NR3C1: variants seen among roughly 807,000 people sequenced by gnomAD.
NR3C1 encodes glucocorticoid receptor.
In NR3C1, 14 loss-of-function variants were observed where a neutral mutation model predicts 74.0. The observed-to-expected ratio is 0.19, with a 90% CI of 0.12 to 0.30. The LOEUF (loss-of-function observed/expected upper bound fraction) is 0.30, where lower values mean the gene tolerates loss of function less well. Ranked by LOEUF, NR3C1 falls within the 10% of genes least tolerant of loss-of-function variation. The probability of loss-of-function intolerance (pLI) is 1.00; values close to 1 mark genes in which losing one functional copy is unlikely to be tolerated. For missense variants in NR3C1, 695 were observed against 909.8 expected (o/e 0.76, Z 3.04); for synonymous variants, 308 against 332.5 (o/e 0.93, Z 0.80).
rs61751251 is a variant in NR3C1, at chr5:143,390,504, C to G, written c.1184+9152G>C. On this transcript the variant is annotated intron_variant, in intron 2 of 8. Transcript: ENST00000394464. ...AAGTCCAAGCCAAAAGCAGACCTAC[C>G]TTACTTAAACATAAAATAAACACTT... 5.3e-3 allele frequency among the ~76,000 whole-genome samples: 809 copies of G among 152,214 alleles called. 7 individuals are homozygous for G. The highest frequency in any genetic ancestry group is 0.018 in the African/African-American group (747 of 41,538).
At chr5:143,419,164 A>G (rs1751084105) in intron 1 of NR3C1, among the ~76,000 whole-genome samples, 1 of 152,170 alleles carries the variant, frequency 6.6e-6, no homozygotes, top group African/African-American at 2.4e-5. Flanking sequence ...AAATCTGAAA[A>G]TATCTGAAAT....
In NR3C1 at chr5:143,301,441, A is replaced by G. The variant is rs10482676; in HGVS notation, c.1469-678T>C. Among the ~76,000 whole-genome samples, 1,253 of 152,284 alleles carry G rather than the reference A, an allele frequency of 8.2e-3. 15 individuals carry two copies. Among genetic ancestry groups the G allele is most frequent in the African/African-American group, 0.029 (1,203 of 41,566 alleles). ...TGAAAAACTTTACATTACATAAATT[A>G]TAAGTGGGAAATTTCCCTTTTATAA... On this transcript the variant is annotated intron_variant, in intron 4 of 8. Coordinates refer to ENST00000394464, the MANE Select transcript of NR3C1 (RefSeq NM_000176.3).
chr5:143,353,418 T>C (rs1256657218), intron 2 of NR3C1, among the ~76,000 whole-genome samples: 1 of 152,204 alleles, frequency 6.6e-6, no homozygotes, highest in Non-Finnish European at 1.5e-5. Context: ...TTTGATTTAC[T>C]TTGCCCAGGT....
intron 2 of NR3C1, among the ~76,000 whole-genome samples, chr5:143,341,474 G>A (rs1010019190): frequency 4.6e-5 from 7 of 152,134 alleles, no homozygotes; most frequent in Non-Finnish European, 1.0e-4. Flanking sequence ...AAAAAGAAAA[G>A]ACAAAAATAG....
intron 2 of NR3C1, among the ~76,000 whole-genome samples, chr5:143,331,034 C>T (rs539852006): frequency 1.4e-4 from 21 of 152,038 alleles, no homozygotes; most frequent in East Asian, 3.9e-4. Flanking sequence ...CTGGAGGCAC[C>T]GTATTACCCG....
chr5:143,310,690 G>A (rs1820724382), intron 3 of NR3C1, among the ~76,000 whole-genome samples: 1 of 152,070 alleles, frequency 6.6e-6, no homozygotes, highest in Non-Finnish European at 1.5e-5. Context: ...GTCTCGCTCT[G>A]TCGCCCAGGC....
intron 2 of NR3C1, among the ~76,000 whole-genome samples, chr5:143,351,705 T>C (rs1431066125): frequency 6.6e-6 from 1 of 152,216 alleles, no homozygotes; most frequent in East Asian, 1.9e-4. Flanking sequence ...ATTAGCTAAC[T>C]TATTTTATAT....
In NR3C1 at chr5:143,328,087, T is replaced by A. The variant is rs146556256; in HGVS notation, c.1185-13919A>T. ...CTGGACATCCAGGCGTTTCTATACA[T>A]CCTCTTAAATATAGGCACAGGTTCC... On this transcript the variant is annotated intron_variant, in intron 2 of 8. Coordinates refer to ENST00000394464, the MANE Select transcript of NR3C1 (RefSeq NM_000176.3). 3.4e-3 allele frequency among the ~76,000 whole-genome samples: 512 copies of A among 152,348 alleles called. 1 individual carries two copies. Among genetic ancestry groups the A allele is most frequent in the Non-Finnish European group, 5.5e-3 (375 of 68,038 alleles).
intron 4 of NR3C1, among the ~76,000 whole-genome samples, chr5:143,308,635 T>C (rs1020441623): frequency 6.6e-6 from 1 of 152,196 alleles, no homozygotes; most frequent in African/African-American, 2.4e-5. Context: ...TTATTTTTCA[T>C]CTATCTAATT....
At chr5:143,283,696 G>A (rs1813638926) in intron 7 of NR3C1, among the ~76,000 whole-genome samples, 1 of 152,062 alleles carries the variant, frequency 6.6e-6, no homozygotes, top group Admixed American at 6.6e-5. Context: ...TAAAAGTTTT[G>A]GGGGGATACA....
chr5:143,433,466 A>ATTT (rs1751964241), intron 1 of NR3C1, among the ~76,000 whole-genome samples: 50 of 133,684 alleles, frequency 3.7e-4, no homozygotes, highest in Non-Finnish European at 6.0e-4. Flanking sequence ...ATATATATAT[A>ATTT]TATATTTAAT....
At chr5:143,299,179 A>G (rs1817955660) in intron 5 of NR3C1, among the ~76,000 whole-genome samples, 1 of 151,734 alleles carries the variant, frequency 6.6e-6, no homozygotes, top group Non-Finnish European at 1.5e-5. Context: ...ATGCCCGGCT[A>G]ATTTTTGTAA....
intron 4 of NR3C1, among the ~76,000 whole-genome samples, chr5:143,308,319 T>G (rs886317917): frequency 6.6e-6 from 1 of 150,892 alleles, no homozygotes; most frequent in Non-Finnish European, 1.5e-5. Flanking sequence ...AAACAAAAAT[T>G]AAAAAAAAAT....
chr5:143,352,857 G>A (rs921958741), intron 2 of NR3C1, among the ~76,000 whole-genome samples: 1 of 152,148 alleles, frequency 6.6e-6, no homozygotes. Context: ...GTTGCTGAAG[G>A]TGGGGTGGCT....
At chr5:143,400,893 G>A in intron 1 of NR3C1, 41 bp from the exon 2 acceptor site, 1 of 1,452,742 alleles carries the variant, frequency 6.9e-7, no homozygotes, top group South Asian at 1.2e-5. Flanking sequence ...AACATCATAA[G>A]CTCTAAAGTC....
rs10035222 is a variant in NR3C1 at position 143,358,898 on chromosome 5, T to C, written c.1184+40758A>G. Among the ~76,000 whole-genome samples, 820 of 149,938 alleles carry C rather than the reference T, an allele frequency of 5.5e-3. 5 individuals are homozygous for C. Among genetic ancestry groups the C allele is most frequent in the East Asian group, 0.023 (115 of 5,056 alleles). ...CCCGTGAACAAGAGCAAAACTCCATTTCAAAAAAAAAAAAAATTAAATCTT... is the reference window on the plus strand; with the variant it reads ...CCCGTGAACAAGAGCAAAACTCCATCTCAAAAAAAAAAAAAATTAAATCTT... On this transcript the variant is annotated intron_variant, in intron 2 of 8. Coordinates refer to ENST00000394464, the MANE Select transcript of NR3C1 (RefSeq NM_000176.3).
At position 143,300,399 on chromosome 5, in the gene NR3C1, G is replaced by A; in HGVS notation, c.1747+86C>T. ...CTAAGAGAAACAAGATAAGCCATGG[G>A]CTCACGATGATATAAAAGCCAAAGT... On this transcript the variant is annotated intron_variant, in intron 5 of 8. Coordinates refer to ENST00000394464, the MANE Select transcript of NR3C1 (RefSeq NM_000176.3). The surrounding 1 kb of genome is among the most constrained non-coding windows in gnomAD (Gnocchi z 5.2). 6.6e-7 allele frequency: 1 copy of A among 1,522,268 alleles called. No homozygotes were observed. The highest frequency in any genetic ancestry group is 1.7e-5 in the Admixed American group (1 of 59,870). The allele number at this position is 1,522,268 out of a possible 1,614,324, so 94.3% of individuals were successfully genotyped here.
intron 2 of NR3C1, among the ~76,000 whole-genome samples, chr5:143,350,579 T>C (rs943630246): frequency 1.3e-5 from 2 of 152,138 alleles, no homozygotes; most frequent in South Asian, 2.1e-4. Flanking sequence ...CAAGAAAAGA[T>C]ACCCAGTTAG....
At chr5:143,331,958 G>GT (rs1600039495) in intron 2 of NR3C1, among the ~76,000 whole-genome samples, 1 of 152,098 alleles carries the variant, frequency 6.6e-6, no homozygotes, top group African/African-American at 2.4e-5. Context: ...GAATTGCAGG[G>GT]TTTTTTGGGG....
Sources: gnomAD v4.1 joint callset for allele counts (sites outside exome capture counted in the v4.1 genomes callset) on GRCh38, gnomAD v4.1.1 for gene constraint, Gnocchi (gnomAD v3.1) non-coding constraint, MANE v1.5 for transcripts, NCBI Gene and HGNC (gene_info 2026-07-23, HGNC 2026-07-21) for gene names.